Variants in PHACTR2 observed in about 807,000 individuals in gnomAD.
PHACTR2 encodes the protein chromosome 6 open reading frame 56.
A neutral mutation model predicts 76.0 loss-of-function variants in PHACTR2; 30 were observed. The observed-to-expected ratio is 0.39, with a 90% confidence interval of 0.30 to 0.54. PHACTR2 has a LOEUF of 0.54. PHACTR2 is among the 20% of genes least tolerant of loss of function. The pLI is 0.61. For missense variants in PHACTR2, 696 were observed against 781.1 expected, an observed-to-expected ratio of 0.89 and a Z score of 1.30; for synonymous variants, 292 against 292.5, an observed-to-expected ratio of 1.00 and a Z score of 0.02.
intron 6 of PHACTR2, among the ~76,000 whole-genome samples, chr6:143,771,194 G>GTATATATA (rs769993035): frequency 5.9e-4 from 24 of 40,446 alleles, no homozygotes; most frequent in Non-Finnish European, 9.2e-4. Context: ...ATATATGTGT[G>GTATATATA]TATATATATA....
intron 1 of PHACTR2, among the ~76,000 whole-genome samples, chr6:143,702,729 A>T (rs1299805041): frequency 6.7e-6 from 1 of 150,276 alleles, no homozygotes; most frequent in Non-Finnish European, 1.5e-5. Context: ...CATTGCTCAG[A>T]ACTACTGAGT....
chr6:143,798,087 G>C (rs1775866826), intron 11 of PHACTR2, among the ~76,000 whole-genome samples: 1 of 152,116 alleles, frequency 6.6e-6, no homozygotes. Context: ...GCAGTGGTTT[G>C]TAGTTCTCCT....
In PHACTR2 at chr6:143,697,493, A is replaced by G. The variant is rs1001263297; in HGVS notation, c.47-14523A>G. 6.6e-6 allele frequency among the ~76,000 whole-genome samples: 1 copy of G among 152,172 alleles called. No homozygotes were observed. Among genetic ancestry groups the G allele is most frequent in the African/African-American group, 2.4e-5 (1 of 41,454 alleles). Reference sequence around the variant, plus strand: ...AAATTATTCCAGCTGTTTTTCAATTATTTGTCTTTGATGAATTGTCTTTCA... The same window carrying G: ...AAATTATTCCAGCTGTTTTTCAATTGTTTGTCTTTGATGAATTGTCTTTCA... On this transcript the variant is annotated intron_variant, in intron 1 of 12. Transcript: ENST00000440869. This position sits in a 1 kb window ranked among gnomAD's most constrained non-coding sequence, Gnocchi z 4.4.
Position 143,592,393 on chromosome 6 carries a change from G to A in PHACTR2, c.217+55186G>A, listed in dbSNP as rs1775701661. 6.6e-6 allele frequency among the ~76,000 whole-genome samples: 1 copy of A among 152,040 alleles called. No homozygotes were observed. The highest frequency in any genetic ancestry group is 6.5e-5 in the Admixed American group (1 of 15,274). On this transcript the variant is annotated intron_variant, in intron 1 of 11. Transcript: ENST00000367584. The surrounding 1 kb of genome is among the most constrained non-coding windows in gnomAD (Gnocchi z 4.0). ...GAGCTTTACCCAATTTCAGGAAAAG[G>A]TAAGCCTAAGAAGAGGTAGGGAACC... is the stretch of plus-strand genomic sequence containing the variant.
chr6:143,685,599 C>T (rs190032891), intron 1 of PHACTR2, among the ~76,000 whole-genome samples: 8 of 147,494 alleles, frequency 5.4e-5, no homozygotes, highest in Admixed American at 2.1e-4. Context: ...AACCAAAGTA[C>T]GAGAGCTAAG....
rs1775969029 is a variant in PHACTR2 at position 143,611,207 on chromosome 6, T to C, written c.13+2885T>C. On this transcript the variant is annotated intron_variant, in intron 1 of 11. Transcript: ENST00000305766. The surrounding 1 kb of genome is among the most constrained non-coding windows in gnomAD (Gnocchi z 4.4). ...ATTGTGTTGGGTTTTCCCTACTTGA[T>C]ATCAAGATATTTCAGTTACCATGTG... Among the ~76,000 whole-genome samples, 2 of 152,162 alleles carry C rather than the reference T, an allele frequency of 1.3e-5. No homozygotes were observed. Among genetic ancestry groups the C allele is most frequent in the African/African-American group, 4.8e-5 (2 of 41,428 alleles).
chr6:143,629,076 T>C (rs1776315217), intron 1 of PHACTR2, among the ~76,000 whole-genome samples: 1 of 150,832 alleles, frequency 6.6e-6, no homozygotes, highest in African/African-American at 2.4e-5. Flanking sequence ...CAGAAGATAA[T>C]GGTGGTGAGT....
chr6:143,571,113 G>A lies in PHACTR2; in HGVS notation c.217+33906G>A, dbSNP rs1158513778. Among the ~76,000 whole-genome samples, 1 of 152,158 alleles carries A rather than the reference G, an allele frequency of 6.6e-6. No individual in the cohort carries two copies. Among genetic ancestry groups the A allele is most frequent in the Non-Finnish European group, 1.5e-5 (1 of 68,038 alleles). ...TCTTACAAAACTGTAGTACAACGATGGAAATCAAGAAGGGAATGTAGGTAA... is the reference window on the plus strand; with the variant it reads ...TCTTACAAAACTGTAGTACAACGATAGAAATCAAGAAGGGAATGTAGGTAA... On this transcript the variant is annotated intron_variant, in intron 1 of 11. Coordinates refer to the PHACTR2 transcript ENST00000367584. The surrounding 1 kb of genome is among the most constrained non-coding windows in gnomAD (Gnocchi z 4.6).
rs1375486081 is a variant in PHACTR2, at chr6:143,731,486, C to T, written c.215-17499C>T. Reference sequence around the variant, plus strand: ...ATTTTTAGTAGAGATTGGGTTTCTCCATGTTGGTCAGGCTGGTCTCGAACT... The same window carrying T: ...ATTTTTAGTAGAGATTGGGTTTCTCTATGTTGGTCAGGCTGGTCTCGAACT... On this transcript the variant is annotated intron_variant, in intron 2 of 12. Coordinates refer to ENST00000440869, the MANE Select transcript of PHACTR2 (RefSeq NM_001100164.2). The surrounding 1 kb of genome is among the most constrained non-coding windows in gnomAD (Gnocchi z 4.9). Among the ~76,000 whole-genome samples, 1 of 152,082 alleles carries T rather than the reference C, an allele frequency of 6.6e-6. No individual in the cohort carries two copies. Among genetic ancestry groups the T allele is most frequent in the Non-Finnish European group, 1.5e-5 (1 of 68,006 alleles).
rs995341291 is a variant in PHACTR2 at position 143,698,102 on chromosome 6, T to C, written c.47-13914T>C. Among the ~76,000 whole-genome samples the C allele has an allele frequency of 2.6e-5, 4 of 152,218 alleles. No homozygotes were observed. The highest frequency in any genetic ancestry group is 7.2e-5 in the African/African-American group (3 of 41,456). Reference sequence around the variant, plus strand: ...TGTTCAATGTTTCTTCAGACCAGTATTGAAAATCTAAATAAAAATTATATT... The same window carrying C: ...TGTTCAATGTTTCTTCAGACCAGTACTGAAAATCTAAATAAAAATTATATT... On this transcript the variant is annotated intron_variant, in intron 1 of 12. Transcript: ENST00000440869. This position sits in a 1 kb window ranked among gnomAD's most constrained non-coding sequence, Gnocchi z 4.3.
Position 143,765,033 on chromosome 6 carries a change from T to C in PHACTR2, c.695-228T>C, listed in dbSNP as rs757037861. Among the ~76,000 whole-genome samples the C allele has an allele frequency of 6.6e-6, 1 of 152,180 alleles. No individual in the cohort carries two copies. Among genetic ancestry groups the C allele is most frequent in the Non-Finnish European group, 1.5e-5 (1 of 68,022 alleles). ...TAAAGTGAGAGAAGACAGAGGACTC[T>C]TGTTCCTCTGAGTTTTGCCGTAAAT... On this transcript the variant is annotated intron_variant, in intron 5 of 12. Transcript: ENST00000440869. The surrounding 1 kb of genome is among the most constrained non-coding windows in gnomAD (Gnocchi z 4.1).
chr6:143,782,479 G>A lies in PHACTR2; in HGVS notation c.1646-740G>A, dbSNP rs1301914748. Among the ~76,000 whole-genome samples the A allele has an allele frequency of 2.0e-5, 3 of 152,178 alleles. No homozygotes were observed. The highest frequency in any genetic ancestry group is 4.4e-5 in the Non-Finnish European group (3 of 68,032). ...GCAACAACCAGCAAAACCTGAAGGG[G>A]TGTTTATTTCTTTAAAAATTTTGGA... On this transcript the variant is annotated intron_variant, in intron 9 of 12. Coordinates refer to ENST00000440869, the MANE Select transcript of PHACTR2 (RefSeq NM_001100164.2). This position sits in a 1 kb window ranked among gnomAD's most constrained non-coding sequence, Gnocchi z 4.6.
chr6:143,605,116 C>T (rs951970712), upstream of PHACTR2, among the ~76,000 whole-genome samples: 24 of 151,924 alleles, frequency 1.6e-4, no homozygotes, highest in African/African-American at 5.8e-4. This position sits in a 1 kb window ranked among gnomAD's most constrained non-coding sequence, Gnocchi z 5.0. Context: ...CAACCAACCC[C>T]AGGCAAACAC....
rs888198587 is a variant in PHACTR2 at position 143,623,592 on chromosome 6, A to C, written c.13+15270A>C. ...TCTGACTCGAAATAATAATAATAGT[A>C]ATAATAATAATAATACCAAATGAGA... On this transcript the variant is annotated intron_variant, in intron 1 of 11. Transcript: ENST00000305766. The surrounding 1 kb of genome is among the most constrained non-coding windows in gnomAD (Gnocchi z 5.9). 4.6e-5 allele frequency among the ~76,000 whole-genome samples: 7 copies of C among 151,896 alleles called. No homozygotes were observed. Among genetic ancestry groups the C allele is most frequent in the South Asian group, 4.1e-4 (2 of 4,824 alleles).
chr6:143,699,262 CT>C (rs1476263633), intron 1 of PHACTR2, among the ~76,000 whole-genome samples: 7 of 152,172 alleles, frequency 4.6e-5, no homozygotes, highest in African/African-American at 1.7e-4. Flanking sequence ...GCTGGTGCAG[CT>C]CTGCAGCCCT....
At chr6:143,766,876 G>A (rs930065132) in intron 6 of PHACTR2, among the ~76,000 whole-genome samples, 1 of 152,192 alleles carries the variant, frequency 6.6e-6, no homozygotes, top group Admixed American at 6.5e-5. Context: ...TATAGTAGAC[G>A]CAATGATAAA....
rs576749680 is a variant in PHACTR2, at chr6:143,563,353, A to G, written c.217+26146A>G. 1.8e-4 allele frequency among the ~76,000 whole-genome samples: 27 copies of G among 151,442 alleles called. 1 individual carries two copies. The South Asian group carries it at 4.6e-3, about 26-fold the overall frequency. On this transcript the variant is annotated intron_variant, in intron 1 of 11. Transcript: ENST00000367584. ...GCCGAGGTGGGTGGATCACGAGGTC[A>G]GCAGATCGAGACCATCCTTGCGAAC...
At chr6:143,737,720 T>C (rs1778851737) in intron 2 of PHACTR2, among the ~76,000 whole-genome samples, 2 of 152,218 alleles carry the variant, frequency 1.3e-5, no homozygotes, top group Admixed American at 1.3e-4. Context: ...TGTGTTTATC[T>C]TAGAAAATAA....
At chr6:143,717,218 C>A (rs1454756437) in intron 2 of PHACTR2, among the ~76,000 whole-genome samples, 2 of 152,158 alleles carry the variant, frequency 1.3e-5, no homozygotes, top group Non-Finnish European at 2.9e-5. Flanking sequence ...CACCTCCTTC[C>A]TCCAGCTATA....
Sources: gnomAD v4.1 joint callset for allele counts (sites outside exome capture counted in the v4.1 genomes callset) on GRCh38, gnomAD v4.1.1 for gene constraint, Gnocchi (gnomAD v3.1) non-coding constraint, MANE v1.5 for transcripts, NCBI Gene and HGNC (gene_info 2026-07-23, HGNC 2026-07-21) for gene names.